The following CSRNP3 variants were observed in gnomAD, a reference collection of about 807,000 sequenced individuals.
CSRNP3 encodes cysteine and serine rich nuclear protein 3.
A neutral mutation model predicts 48.0 loss-of-function variants in CSRNP3; 12 were observed. That is an observed-to-expected ratio of 0.25 (90% CI 0.16 to 0.41). The LOEUF is 0.41. Ranked by LOEUF, CSRNP3 falls within the 10% of genes least tolerant of loss-of-function variation. The probability of loss-of-function intolerance (pLI) is 1.00; values close to 1 mark genes in which losing one functional copy is unlikely to be tolerated. For synonymous variants in CSRNP3, 263 were observed against 269.7 expected (o/e 0.98, Z 0.24); for missense variants, 580 against 724.4 (o/e 0.80, Z 2.29).
chr2:165,559,467 T>G (rs1450011210), intron 3 of CSRNP3, among the ~76,000 whole-genome samples: 1 of 152,160 alleles, frequency 6.6e-6, no homozygotes, highest in African/African-American at 2.4e-5. Context: ...AAACTTTAAA[T>G]ACACTAGACC....
At chr2:165,639,406 A>T (rs1686689550) in intron 4 of CSRNP3, among the ~76,000 whole-genome samples, 1 of 152,204 alleles carries the variant, frequency 6.6e-6, no homozygotes. Context: ...AGTTACAAAT[A>T]AATTCGGAAT....
chr2:165,499,443 T>A (rs556885078), intron 2 of CSRNP3, among the ~76,000 whole-genome samples: 1 of 152,258 alleles, frequency 6.6e-6, no homozygotes, highest in Non-Finnish European at 1.5e-5. Context: ...TTGGTGCGAT[T>A]TCTAAATAGG....
intron 4 of CSRNP3, among the ~76,000 whole-genome samples, chr2:165,599,247 CAAAA>C (rs755308321): frequency 6.2e-5 from 4 of 64,124 alleles, no homozygotes; most frequent in Non-Finnish European, 9.8e-5. Flanking sequence ...AAACAAAAAA[CAAAA>C]AGAAAGAAAG....
At chr2:165,496,708 C>T (rs781057712) in intron 2 of CSRNP3, among the ~76,000 whole-genome samples, 1 of 151,936 alleles carries the variant, frequency 6.6e-6, no homozygotes, top group African/African-American at 2.4e-5. Context: ...AAATCATCAT[C>T]AGTTTAAAAC....
At chr2:165,626,654 G>T (rs1009404472) in intron 4 of CSRNP3, among the ~76,000 whole-genome samples, 1 of 152,180 alleles carries the variant, frequency 6.6e-6, no homozygotes, top group Non-Finnish European at 1.5e-5. Context: ...ACTGCCTGTT[G>T]CTGCTACCTC....
At chr2:165,678,263 T>G (rs1002723466) in intron 6 of CSRNP3, among the ~76,000 whole-genome samples, 1 of 152,102 alleles carries the variant, frequency 6.6e-6, no homozygotes, top group Non-Finnish European at 1.5e-5. Flanking sequence ...ATTAATAGCA[T>G]GTGGAGAGGA....
chr2:165,599,744 C>T (rs1312247654), intron 4 of CSRNP3, among the ~76,000 whole-genome samples: 2 of 152,002 alleles, frequency 1.3e-5, no homozygotes, highest in African/African-American at 4.8e-5. Context: ...AAGGTATGGG[C>T]TTCTCTGCAA....
At chr2:165,678,672 T>C (rs1239208134) in intron 6 of CSRNP3, 29 bp from the exon 7 acceptor site, 18 of 1,594,870 alleles carry the variant, frequency 1.1e-5, no homozygotes, top group Non-Finnish European at 1.4e-5. Context: ...AATAGTTCCA[T>C]GGTGCTAATC....
intron 3 of CSRNP3, among the ~76,000 whole-genome samples, chr2:165,587,169 G>A (rs1476979813): frequency 1.3e-5 from 2 of 152,156 alleles, no homozygotes; most frequent in Non-Finnish European, 2.9e-5. Flanking sequence ...AATCATATAT[G>A]TTAGTGAAGA....
chr2:165,523,891 G>T lies in CSRNP3; in HGVS notation c.-24+5930G>T, dbSNP rs184540838. Among the ~76,000 whole-genome samples, 254 of 152,214 alleles carry T rather than the reference G, an allele frequency of 1.7e-3. 2 individuals carry two copies. The highest frequency in any genetic ancestry group is 0.011 in the South Asian group (55 of 4,818). On this transcript the variant is annotated intron_variant, in intron 3 of 6. Coordinates refer to ENST00000651982, the MANE Select transcript of CSRNP3 (RefSeq NM_001172173.2). ...ATCCATCTTCATTCTATTGCTCTTT[G>T]GTTCTTCTTGTTCTTCCTAATCAAG... is the stretch of plus-strand genomic sequence containing the variant.
At chr2:165,594,655 AC>A (rs1685779357) in intron 3 of CSRNP3, among the ~76,000 whole-genome samples, 1 of 152,150 alleles carries the variant, frequency 6.6e-6, no homozygotes, top group Non-Finnish European at 1.5e-5. Flanking sequence ...GGTCGTGCAT[AC>A]TTTTTTGTGT....
chr2:165,564,678 T>A (rs1315114447), intron 3 of CSRNP3, among the ~76,000 whole-genome samples: 1 of 152,032 alleles, frequency 6.6e-6, no homozygotes, highest in Non-Finnish European at 1.5e-5. Context: ...TAATTATTAT[T>A]TTGTAAACAT....
rs773220234 is a variant in CSRNP3 at position 165,679,398 on chromosome 2, T to C, written c.1403T>C (p.Val468Ala). ...GTCAAAAATGGTACCCTTTCGCTGG[T>C]GCCTTACACCATGACCCCGGAGCAA... is the stretch of plus-strand genomic sequence containing the variant. ...DTVKNGTLSL[V>A]PYTMTPEQFV... The change falls in exon 7 of 7, where the codon GTG becomes GCG. Residue 468 changes from valine (V) to alanine (A), a missense_variant. By Grantham distance (64) the Val-to-Ala change is moderately conservative (BLOSUM62 0). Around this residue, in one of 4 missense-constraint regions of CSRNP3, gnomAD observed 369 missense variants for 380.8 expected, o/e 0.97. Transcript: ENST00000651982. 1.9e-6 allele frequency: 3 copies of C among 1,613,046 alleles called. No individual in the cohort carries two copies. The highest frequency in any genetic ancestry group is 4.5e-5 in the East Asian group (2 of 44,772).
chr2:165,648,599 A>C (rs1260461842), intron 4 of CSRNP3, among the ~76,000 whole-genome samples: 1 of 152,154 alleles, frequency 6.6e-6, no homozygotes, highest in African/African-American at 2.4e-5. Flanking sequence ...ACTTTAAAAT[A>C]TGGTATGTCT....
intron 4 of CSRNP3, among the ~76,000 whole-genome samples, chr2:165,645,267 G>A (rs1686792029): frequency 6.6e-6 from 1 of 152,116 alleles, no homozygotes; most frequent in African/African-American, 2.4e-5. Flanking sequence ...CTGGTAAGTG[G>A]AGGCTGCAGT....
intron 3 of CSRNP3, among the ~76,000 whole-genome samples, chr2:165,566,188 A>G (rs561813694): frequency 2.1e-5 from 3 of 141,398 alleles, no homozygotes; most frequent in African/African-American, 5.4e-5. Context: ...CCAGCATTAC[A>G]AATGCACAAT....
intron 4 of CSRNP3, among the ~76,000 whole-genome samples, chr2:165,644,131 A>C (rs977471202): frequency 1.3e-5 from 2 of 152,176 alleles, no homozygotes. Context: ...TTACAAACTC[A>C]TTATAGTTGG....
At chr2:165,529,301 C>G (rs1684782346) in intron 3 of CSRNP3, among the ~76,000 whole-genome samples, 1 of 152,122 alleles carries the variant, frequency 6.6e-6, no homozygotes, top group African/African-American at 2.4e-5. Context: ...GTTGAATTCC[C>G]AAAGGGACCC....
At chr2:165,631,766 C>T (rs1183339259) in intron 4 of CSRNP3, among the ~76,000 whole-genome samples, 3 of 152,210 alleles carry the variant, frequency 2.0e-5, no homozygotes, top group Non-Finnish European at 4.4e-5. Flanking sequence ...CACTCTTTCA[C>T]CAGTTGTTAT....
Sources: gnomAD v4.1 joint callset for allele counts (sites outside exome capture counted in the v4.1 genomes callset) on GRCh38, gnomAD v4.1.1 for gene constraint, gnomAD v4.1.1 regional missense constraint, MANE v1.5 for transcripts, NCBI Gene and HGNC (gene_info 2026-07-23, HGNC 2026-07-21) for gene names.